CASZ1: variants seen among roughly 807,000 people sequenced by gnomAD.
CASZ1 encodes zinc finger protein castor homolog 1.
A neutral mutation model predicts 135.2 loss-of-function variants in CASZ1; 28 were observed. That is an observed-to-expected ratio of 0.21 (90% CI 0.15 to 0.28). The LOEUF (loss-of-function observed/expected upper bound fraction) is 0.28. Ranked by LOEUF, CASZ1 falls within the 10% of genes least tolerant of loss-of-function variation. The pLI is 1.00. For synonymous variants in CASZ1, 1,068 were observed against 1,073.4 expected, an observed-to-expected ratio of 0.99 and a Z score of 0.10; for missense variants, 2,161 against 2,453.3, an observed-to-expected ratio of 0.88 and a Z score of 2.52.
rs560899355 is a variant in CASZ1 at position 10,792,857 on chromosome 1, A to C, written c.-234+3707T>G. ...AAATATTTGGGTGACAATTTTCCCC[A>C]AAAAATAAATAAATAAATAAAGCAC... On this transcript the variant is annotated intron_variant, in intron 1 of 20. Transcript: ENST00000377022. Among the ~76,000 whole-genome samples the C allele has an allele frequency of 2.8e-4, 42 of 152,290 alleles. 1 individual carries two copies. Among genetic ancestry groups the C allele is most frequent in the South Asian group, 1.2e-3 (6 of 4,820 alleles).
Position 10,694,983 on chromosome 1 carries a change from G to A in CASZ1, c.-23-1071C>T, listed in dbSNP as rs951126709. Among the ~76,000 whole-genome samples, 2 of 146,258 alleles carry A rather than the reference G, an allele frequency of 1.4e-5. No individual in the cohort carries two copies. The highest frequency in any genetic ancestry group is 4.9e-5 in the African/African-American group (2 of 40,492). Reference sequence around the variant, plus strand: ...GCCGCGCGCGCCTGCCCCACGACCCGCGCGGCCGCGCTAACTTTTCCGCGA... The same window carrying A: ...GCCGCGCGCGCCTGCCCCACGACCCACGCGGCCGCGCTAACTTTTCCGCGA... On this transcript the variant is annotated intron_variant, in intron 3 of 20. Transcript: ENST00000377022. This position sits in a 1 kb window ranked among gnomAD's most constrained non-coding sequence, Gnocchi z 6.6.
intron 4 of CASZ1, 25 bp downstream of exon 4, chr1:10,693,849 C>T (rs747629090): frequency 6.2e-7 from 1 of 1,610,652 alleles, no homozygotes; most frequent in Admixed American, 1.7e-5. Flanking sequence ...GAAAGAGCCG[C>T]CCCTGCGTTC....
In CASZ1 at chr1:10,639,075, C is replaced by G; in HGVS notation, c.5147G>C (p.Arg1716Pro). 2 of 1,140,760 alleles carry G rather than the reference C, an allele frequency of 1.8e-6. No individual in the cohort carries two copies. Among genetic ancestry groups the G allele is most frequent in the Non-Finnish European group, 2.2e-6 (2 of 907,108 alleles). 70.7% of individuals were successfully genotyped at this position (1,140,760 alleles called of 1,614,324 possible). ...DDEDDDDEDLRTDSEESLPEA... is the reference protein window; with the variant it reads ...DDEDDDDEDLPTDSEESLPEA... ...GGGCAGCGACTCCTCCGAGTCGGTGCGCAGGTCCTCGTCGTCGTCGTCCTC... is the reference window on the plus strand; with the variant it reads ...GGGCAGCGACTCCTCCGAGTCGGTGGGCAGGTCCTCGTCGTCGTCGTCCTC... Residue 1716 changes from arginine to proline, a missense_variant, in exon 21 of 21, where the codon CGC (arginine) becomes CCC (proline). Around this residue, in one of 7 missense-constraint regions of CASZ1, gnomAD observed 185 missense variants for 134.7 expected, o/e 1.37. Transcript: ENST00000377022. The surrounding 1 kb of genome is among the most constrained non-coding windows in gnomAD (Gnocchi z 4.0).
intron 2 of CASZ1, among the ~76,000 whole-genome samples, chr1:10,730,993 C>A (rs1279030830): frequency 6.6e-6 from 1 of 152,094 alleles, no homozygotes; most frequent in Non-Finnish European, 1.5e-5. Context: ...ATAATCCCAG[C>A]TACTTGGGAG....
rs1454166980 is a variant in CASZ1, at chr1:10,699,984, GAGAC to G, written c.-24+5504_-24+5507del. On this transcript the variant is annotated intron_variant, in intron 3 of 20. Transcript: ENST00000377022. The surrounding 1 kb of genome is among the most constrained non-coding windows in gnomAD (Gnocchi z 4.6). ...AAGCAGAGACAGAGAGAGAGAAAGAGAGACAGGCAGAGAGAGAGAGAGAAACAGA... is the reference window on the plus strand; with the variant it reads ...AAGCAGAGACAGAGAGAGAGAAAGAGAGGCAGAGAGAGAGAGAGAAACAGA... Among the ~76,000 whole-genome samples, 2 of 152,088 alleles carry G rather than the reference GAGAC, an allele frequency of 1.3e-5. No individual in the cohort carries two copies. The highest frequency in any genetic ancestry group is 1.5e-5 in the Non-Finnish European group (1 of 67,964).
Position 10,649,174 on chromosome 1 carries a change from G to T in CASZ1, c.3054C>A (p.Phe1018Leu), listed in dbSNP as rs1399035409. 6.2e-7 allele frequency: 1 copy of T among 1,613,612 alleles called. No individual in the cohort carries two copies. The highest frequency in any genetic ancestry group is 8.5e-7 in the Non-Finnish European group (1 of 1,180,028). Residue 1018 changes from phenylalanine to leucine, a missense_variant, in exon 15 of 21, where the codon TTC (phenylalanine) becomes TTA (leucine). By Grantham distance (22) the Phe-to-Leu change is conservative (BLOSUM62 0). Coordinates refer to ENST00000377022, the MANE Select transcript of CASZ1 (RefSeq NM_001079843.3). ...VYLRRFGTKD[F>L]CDGQCDFLHK... ...GGAGGAAGTCACACTGGCCGTCACA[G>T]AAGTCCTTTGTACCAAACCTAGCCA...
In CASZ1 at chr1:10,639,235, CGCCCTCGCGCGGCCCGGG is replaced by C; in HGVS notation, c.4969_4986del (p.Pro1657_Gly1662del). ...CCAGCTGCGGCGGCGGCGGCGGCGG[CGCCCTCGCGCGGCCCGGG>C]GGCGGCGGCGTCGGGCGGGCCGGGG... On this transcript the variant is annotated inframe_deletion, in exon 21 of 21. Transcript: ENST00000377022. The surrounding 1 kb of genome is among the most constrained non-coding windows in gnomAD (Gnocchi z 4.0). 1 of 922,800 alleles carries C rather than the reference CGCCCTCGCGCGGCCCGGG, an allele frequency of 1.1e-6. No homozygotes were observed. The highest frequency in any genetic ancestry group is 1.3e-6 in the Non-Finnish European group (1 of 773,880). 57.2% of individuals were successfully genotyped at this position (922,800 alleles called of 1,614,324 possible).
At position 10,659,949 on chromosome 1, in the gene CASZ1, A is replaced by C. The variant is rs1461306373; in HGVS notation, c.1093T>G (p.Phe365Val). 1 of 1,612,760 alleles carries C rather than the reference A, an allele frequency of 6.2e-7. No individual in the cohort carries two copies. The highest frequency in any genetic ancestry group is 8.5e-7 in the Non-Finnish European group (1 of 1,179,958). The change falls in exon 6 of 21, where the codon TTC (phenylalanine) becomes GTC (valine). Residue 365 changes from phenylalanine (F) to valine (V), a missense_variant. Physicochemically the swap from Phe to Val is conservative, Grantham distance 50. This residue lies in a region of CASZ1 where 590 missense variants were observed against 609.8 expected (regional missense o/e 0.97). Transcript: ENST00000377022. ...GGGCGCCCCACCTTGCCTGTCTTGA[A>C]GGCGATGGCCCCGCCCATGTCGGGG... Reference protein sequence around the residue: ...GSPDMGGAIAFKTGKVGRPSK... With the variant: ...GSPDMGGAIAVKTGKVGRPSK...
intron 4 of CASZ1, among the ~76,000 whole-genome samples, chr1:10,678,754 C>T (rs1022391747): frequency 6.6e-6 from 1 of 152,100 alleles, no homozygotes; most frequent in Non-Finnish European, 1.5e-5. Flanking sequence ...TCAGGTCACC[C>T]CCATCCGTCC....
In CASZ1 at chr1:10,646,916, G is replaced by A. The variant is rs1229260481; in HGVS notation, c.3498-590C>T. Among the ~76,000 whole-genome samples the A allele has an allele frequency of 6.6e-6, 1 of 152,184 alleles. No homozygotes were observed. The highest frequency in any genetic ancestry group is 1.5e-5 in the Non-Finnish European group (1 of 68,014). ...GACCTCACTTGCCGGCGGAGTGGGAGAGCTGCTGGGGCAGAGCGGGTGTGC... is the reference window on the plus strand; with the variant it reads ...GACCTCACTTGCCGGCGGAGTGGGAAAGCTGCTGGGGCAGAGCGGGTGTGC... On this transcript the variant is annotated intron_variant, in intron 16 of 20. Coordinates refer to ENST00000377022, the MANE Select transcript of CASZ1 (RefSeq NM_001079843.3). This position sits in a 1 kb window ranked among gnomAD's most constrained non-coding sequence, Gnocchi z 6.4.
At chr1:10,787,479 C>T (rs1640878797) in intron 1 of CASZ1, among the ~76,000 whole-genome samples, 2 of 152,360 alleles carry the variant, frequency 1.3e-5, no homozygotes, top group South Asian at 4.1e-4. Flanking sequence ...ATGGCCCTCA[C>T]ATAGCGAGCG....
rs1639254475 is a variant in CASZ1 at position 10,709,924 on chromosome 1, C to T, written c.-76-4380G>A. Among the ~76,000 whole-genome samples the T allele has an allele frequency of 2.6e-5, 4 of 152,186 alleles. No individual in the cohort carries two copies. Among genetic ancestry groups the T allele is most frequent in the Admixed American group, 2.6e-4 (4 of 15,280 alleles). Reference sequence around the variant, plus strand: ...CGGGAAAGGAGCCTGGGCCCCGGACCAGGGAGGGGCGGTGGGGGTGGCTGT... The same window carrying T: ...CGGGAAAGGAGCCTGGGCCCCGGACTAGGGAGGGGCGGTGGGGGTGGCTGT... On this transcript the variant is annotated intron_variant, in intron 2 of 20. Transcript: ENST00000377022. This position sits in a 1 kb window ranked among gnomAD's most constrained non-coding sequence, Gnocchi z 5.1.
chr1:10,669,336 C>A (rs1486474501), intron 4 of CASZ1, among the ~76,000 whole-genome samples: 1 of 152,228 alleles, frequency 6.6e-6, no homozygotes, highest in Non-Finnish European at 1.5e-5. Flanking sequence ...TGCCCCGTCC[C>A]CTCCTCACCC....
In CASZ1 at chr1:10,755,429, A is replaced by G. The variant is rs1017573996; in HGVS notation, c.-77+5272T>C. Among the ~76,000 whole-genome samples the G allele has an allele frequency of 9.9e-5, 15 of 152,142 alleles. No individual in the cohort carries two copies. Among genetic ancestry groups the G allele is most frequent in the Admixed American group, 9.2e-4 (14 of 15,282 alleles). On this transcript the variant is annotated intron_variant, in intron 2 of 20. Transcript: ENST00000377022. The surrounding 1 kb of genome is among the most constrained non-coding windows in gnomAD (Gnocchi z 4.3). ...ACTGTGGGCACTCAGGGACAGAGGC[A>G]GGGCAGAGGCGCTTCTCTCTTCGTC...
chr1:10,659,342 CG>C (rs1557477429), intron 6 of CASZ1, among the ~76,000 whole-genome samples: 8 of 152,142 alleles, frequency 5.3e-5, no homozygotes, highest in Non-Finnish European at 8.8e-5. Flanking sequence ...TGGGCAGTCC[CG>C]GTGTGCATGC....
At chr1:10,742,717 C>T (rs987021020) in intron 2 of CASZ1, among the ~76,000 whole-genome samples, 2 of 152,136 alleles carry the variant, frequency 1.3e-5, no homozygotes, top group African/African-American at 2.4e-5. Context: ...GGTGTGGTGG[C>T]TCATGCCTGT....
At chr1:10,728,084 AC>A (rs1639630605) in intron 2 of CASZ1, among the ~76,000 whole-genome samples, 1 of 152,324 alleles carries the variant, frequency 6.6e-6, no homozygotes, top group Admixed American at 6.5e-5. Flanking sequence ...CCCACATGGC[AC>A]TGGGTATGGG....
intron 1 of CASZ1, among the ~76,000 whole-genome samples, chr1:10,784,856 G>A (rs1208814783): frequency 1.3e-5 from 2 of 152,070 alleles, no homozygotes; most frequent in African/African-American, 2.4e-5. Flanking sequence ...ATGAACCACC[G>A]CACCTGGCCC....
intron 20 of CASZ1, 91 bp from the exon 21 acceptor site, chr1:10,640,150 T>C (rs1557453108): frequency 1.3e-6 from 2 of 1,509,470 alleles, no homozygotes; most frequent in Non-Finnish European, 1.8e-6. Context: ...TGATCTGGCA[T>C]GGCGCCAGAG....
Sources: allele counts gnomAD v4.1 joint callset (sites outside exome capture counted in the v4.1 genomes callset), GRCh38; gene constraint gnomAD v4.1.1; regional missense constraint gnomAD v4.1.1; non-coding constraint Gnocchi (gnomAD v3.1); transcripts MANE v1.5; gene names NCBI Gene and HGNC (gene_info 2026-07-23, HGNC 2026-07-21).